FLYWCH1: variants seen among roughly 807,000 people sequenced by gnomAD.
The protein encoded by FLYWCH1 is FLYWCH-type zinc finger-containing protein 1.
A neutral mutation model predicts 66.4 loss-of-function variants in FLYWCH1; 75 were observed. That is an observed-to-expected ratio of 1.13 (90% CI 0.94 to 1.37). The LOEUF (loss-of-function observed/expected upper bound fraction) is 1.37, where lower values mean the gene tolerates loss of function less well. Ranked by LOEUF, FLYWCH1 falls within the 40% of genes most tolerant of loss-of-function variation. FLYWCH1 has a pLI of 0.00. For missense variants in FLYWCH1, 1,334 were observed against 1,001.8 expected (o/e 1.33, Z -4.48); for synonymous variants, 595 against 429.9 (o/e 1.38, Z -4.75).
chr16:2,919,348 C>G (rs1034455218), intron 2 of FLYWCH1, among the ~76,000 whole-genome samples: 10 of 151,792 alleles, frequency 6.6e-5, no homozygotes, highest in African/African-American at 2.2e-4. Context: ...TCACTGCAAC[C>G]TCTGCCCCCT....
intron 9 of FLYWCH1, among the ~76,000 whole-genome samples, chr16:2,945,490 A>C (rs1371894490): frequency 6.8e-6 from 1 of 146,434 alleles, no homozygotes; most frequent in East Asian, 2.1e-4. Context: ...CATCTCAAAA[A>C]AAAAAAAAAA....
chr16:2,934,115 C>T (rs2070896153), intron 6 of FLYWCH1, 136 bp downstream of exon 6: 2 of 1,140,276 alleles, frequency 1.8e-6, no homozygotes, highest in South Asian at 1.6e-5. Context: ...GAACTATGGC[C>T]CTGGCCTCCT....
chr16:2,933,609 CG>C, intron 5 of FLYWCH1, 27 bp downstream of exon 5: 1 of 1,568,330 alleles, frequency 6.4e-7, no homozygotes, highest in Non-Finnish European at 8.6e-7. Context: ...TGGGGCTCAC[CG>C]GCCCTGCCTT....
intron 2 of FLYWCH1, among the ~76,000 whole-genome samples, chr16:2,926,204 A>G (rs2070560972): frequency 6.6e-6 from 1 of 152,260 alleles, no homozygotes; most frequent in African/African-American, 2.4e-5. Flanking sequence ...TTCAAACAAT[A>G]GAACAATTCT....
rs572873984 is a variant in FLYWCH1, at chr16:2,937,590, G to T, written c.1777+206G>T. On this transcript the variant is annotated intron_variant, in intron 7 of 9. Transcript: ENST00000253928. ...TCTGGGTAGTGGGGACTGGCTGTCG[G>T]AGGTAGAAACCCACTCAGCTCTCTA... 5.9e-5 allele frequency among the ~76,000 whole-genome samples: 9 copies of T among 152,322 alleles called. No individual in the cohort carries two copies. In the East Asian group the frequency reaches 1.7e-3, roughly 29 times the overall value.
At chr16:2,934,735 C>G (rs890529779) in intron 6 of FLYWCH1, 1 of 452,546 alleles carries the variant, frequency 2.2e-6, no homozygotes, top group East Asian at 7.0e-5. Flanking sequence ...TCTTTTTGTT[C>G]CATCTCCAGA....
At chr16:2,931,920 T>C (rs965476429) in intron 4 of FLYWCH1, among the ~76,000 whole-genome samples, 2 of 152,092 alleles carry the variant, frequency 1.3e-5, no homozygotes, top group Admixed American at 6.6e-5. Context: ...GAGACCATCC[T>C]GGCTAACACA....
intron 2 of FLYWCH1, among the ~76,000 whole-genome samples, chr16:2,918,783 A>G (rs1020835306): frequency 2.0e-5 from 3 of 152,158 alleles, no homozygotes; most frequent in Non-Finnish European, 4.4e-5. Flanking sequence ...AAAATTCGCC[A>G]ATGAATAACA....
intron 2 of FLYWCH1, among the ~76,000 whole-genome samples, chr16:2,923,534 C>T (rs2070452346): frequency 6.6e-6 from 1 of 152,196 alleles, no homozygotes; most frequent in South Asian, 2.1e-4. Flanking sequence ...GCGTGAGCCA[C>T]AGCGCCCGGG....
intron 2 of FLYWCH1, chr16:2,922,993 G>C: frequency 2.0e-6 from 1 of 504,100 alleles, no homozygotes; most frequent in South Asian, 1.4e-5. Flanking sequence ...GCCAGAAGGC[G>C]GGTGACGCGC....
Position 2,917,294 on chromosome 16 carries a change from A to T in FLYWCH1, c.-74+3005A>T, listed in dbSNP as rs184174298. 6.1e-3 allele frequency among the ~76,000 whole-genome samples: 844 copies of T among 139,118 alleles called. 8 individuals carry two copies. Among genetic ancestry groups the T allele is most frequent in the African/African-American group, 0.018 (664 of 36,918 alleles). The allele number at this position is 139,118 out of a possible 152,430, so 91.3% of individuals were successfully genotyped here. On this transcript the variant is annotated intron_variant, in intron 2 of 9. Coordinates refer to ENST00000253928, the MANE Select transcript of FLYWCH1 (RefSeq NM_001308068.2). ...ACCCAGGCTGGAGTGCAATGGTGGGATCTCTGCTCACTGCAACTTCCACCT... is the reference window on the plus strand; with the variant it reads ...ACCCAGGCTGGAGTGCAATGGTGGGTTCTCTGCTCACTGCAACTTCCACCT...
At chr16:2,924,901 G>A (rs1490131071) in intron 2 of FLYWCH1, among the ~76,000 whole-genome samples, 2 of 152,226 alleles carry the variant, frequency 1.3e-5, no homozygotes, top group Admixed American at 6.5e-5. Flanking sequence ...TTAAACAGAA[G>A]TGGGAAGTGG....
rs376503584 is a variant in FLYWCH1 at position 2,933,765 on chromosome 16, C to G, written c.1299C>G (p.Tyr433Ter). The change falls in exon 6 of 10, where the codon TAC (tyrosine) becomes TAG (stop). Residue 433 changes from tyrosine to a stop codon, truncating the protein, a stop_gained. Transcript: ENST00000253928. LOFTEE classifies it high-confidence loss of function. ...KTPLGGSFLV[Y>*]ESFLYRREKA... ...CCCTGGGGGGCAGCTTCCTGGTGTA[C>G]GAGTCCTTCCTCTACCGGCGGGAGA... The G allele has an allele frequency of 3.1e-6, 5 of 1,612,994 alleles. No homozygotes were observed. Among genetic ancestry groups the G allele is most frequent in the Non-Finnish European group, 2.5e-6 (3 of 1,179,602 alleles).
chr16:2,930,078 C>T lies in FLYWCH1; in HGVS notation c.325+68C>T. 4 of 1,342,344 alleles carry T rather than the reference C, an allele frequency of 3.0e-6. No homozygotes were observed. In the South Asian group the frequency reaches 5.4e-5, roughly 18 times the overall value. 83.2% of individuals were successfully genotyped at this position (1,342,344 alleles called of 1,614,324 possible). ...TCCAGCGCTCCCAGCAGGCCCTGTA[C>T]ACCCTGCTTCAAGCATAGTGTCTTG... On this transcript the variant is annotated intron_variant, in intron 3 of 9. Transcript: ENST00000253928.
At chr16:2,936,833 G>C (rs557458903) in intron 6 of FLYWCH1, 2 of 606,796 alleles carry the variant, frequency 3.3e-6, no homozygotes, top group East Asian at 3.5e-5. Flanking sequence ...TGCTGGGGAC[G>C]GACGAGTGAC....
intron 2 of FLYWCH1, among the ~76,000 whole-genome samples, chr16:2,925,983 C>G (rs932487758): frequency 3.3e-5 from 5 of 152,136 alleles, no homozygotes; most frequent in Non-Finnish European, 5.9e-5. Context: ...GGACTGCAGT[C>G]TCGATTCCAG....
chr16:2,938,369 A>G lies in FLYWCH1; in HGVS notation c.1963A>G (p.Ser655Gly), dbSNP rs1320636862. 2 of 1,586,534 alleles carry G rather than the reference A, an allele frequency of 1.3e-6. No homozygotes were observed. Among genetic ancestry groups the G allele is most frequent in the East Asian group, 2.2e-5 (1 of 44,466 alleles). Residue 655 changes from serine to glycine, a missense_variant, in exon 8 of 10, where the codon AGC becomes GGC. Coordinates refer to ENST00000253928, the MANE Select transcript of FLYWCH1 (RefSeq NM_001308068.2). Reference protein sequence around the residue: ...TQGHRIMVMRSHCHQPDLAGL... With the variant: ...TQGHRIMVMRGHCHQPDLAGL... Reference sequence around the variant, plus strand: ...GGGCCACCGCATCATGGTCATGCGCAGCCACTGCCATCAGCCTGACCTGGC... The same window carrying G: ...GGGCCACCGCATCATGGTCATGCGCGGCCACTGCCATCAGCCTGACCTGGC...
intron 2 of FLYWCH1, 64 bp from the exon 3 acceptor site, chr16:2,929,549 C>T (rs569744274): frequency 2.5e-6 from 3 of 1,183,078 alleles, no homozygotes; most frequent in East Asian, 5.2e-5. Context: ...ACCTCCCTCC[C>T]AGATCCACGT....
chr16:2,929,312 T>G lies in FLYWCH1; in HGVS notation c.-73-301T>G, dbSNP rs976361444. 5.3e-5 allele frequency among the ~76,000 whole-genome samples: 8 copies of G among 152,310 alleles called. 1 individual carries two copies. In the Middle Eastern group the frequency reaches 0.017, roughly 324 times the overall value. On this transcript the variant is annotated intron_variant, in intron 2 of 9. Coordinates refer to ENST00000253928, the MANE Select transcript of FLYWCH1 (RefSeq NM_001308068.2). ...GGACTGGAAACGCGGGTGGAAACCC[T>G]TCGTCCGTGCTCAGCATGTGGCTGA...
Sources: allele counts gnomAD v4.1 joint callset (sites outside exome capture counted in the v4.1 genomes callset), GRCh38; gene constraint gnomAD v4.1.1; transcripts MANE v1.5; gene names NCBI Gene and HGNC (gene_info 2026-07-23, HGNC 2026-07-21).